Variants in RPH3AL observed in about 807,000 individuals in gnomAD.
The protein encoded by RPH3AL is rab effector Noc2.
A neutral mutation model predicts 43.1 loss-of-function variants in RPH3AL; 38 were observed. The observed-to-expected ratio is 0.88, with a 90% CI of 0.68 to 1.15. The LOEUF is 1.15. Among genes scored for constraint, RPH3AL ranks in the 50% most tolerant of loss-of-function variants. RPH3AL has a pLI of 0.00. For synonymous variants in RPH3AL, 189 were observed against 176.3 expected, an observed-to-expected ratio of 1.07 and a Z score of -0.57; for missense variants, 462 against 423.2, an observed-to-expected ratio of 1.09 and a Z score of -0.81.
chr17:235,637 A>G, intron 7 of RPH3AL, among the ~76,000 whole-genome samples: 1 of 135,222 alleles, frequency 7.4e-6, no homozygotes, highest in Non-Finnish European at 1.6e-5. Context: ...GCTCCACACT[A>G]ACAAGATGGA....
At chr17:302,610 G>A (rs1487929926) in intron 5 of RPH3AL, among the ~76,000 whole-genome samples, 7 of 152,126 alleles carry the variant, frequency 4.6e-5, no homozygotes, top group African/African-American at 1.7e-4. Flanking sequence ...GGAGGCGCCC[G>A]CCGTCGAGGG....
intron 1 of RPH3AL, among the ~76,000 whole-genome samples, chr17:351,143 C>T (rs1312977537): frequency 5.9e-5 from 9 of 152,198 alleles, no homozygotes; most frequent in East Asian, 1.9e-4. Flanking sequence ...CTCTCTCCAA[C>T]GTCTCTAGGC....
Position 333,414 on chromosome 17 carries a change from C to G in RPH3AL, c.-37+345G>C. On this transcript the variant is annotated intron_variant, in intron 2 of 9. Transcript: ENST00000331302. This position sits in a 1 kb window ranked among gnomAD's most constrained non-coding sequence, Gnocchi z 4.5. Reference sequence around the variant, plus strand: ...CCAACTTTTCCTGGGCATTTATGTACAAATTGTAATAAAATTGGGTTCTTA... The same window carrying G: ...CCAACTTTTCCTGGGCATTTATGTAGAAATTGTAATAAAATTGGGTTCTTA... 2.7e-6 allele frequency: 2 copies of G among 737,810 alleles called. No homozygotes were observed. Among genetic ancestry groups the G allele is most frequent in the Non-Finnish European group, 3.9e-6 (2 of 518,698 alleles). The allele number at this position is 737,810 out of a possible 1,614,324, so 45.7% of individuals were successfully genotyped here.
intron 7 of RPH3AL, among the ~76,000 whole-genome samples, chr17:236,287 T>C (rs1341442866): frequency 6.6e-6 from 1 of 152,180 alleles, no homozygotes; most frequent in Non-Finnish European, 1.5e-5. Context: ...AAACACTCAG[T>C]TCTGTGGCTG....
At chr17:260,207 A>G (rs2151569956) in intron 6 of RPH3AL, among the ~76,000 whole-genome samples, 1 of 152,262 alleles carries the variant, frequency 6.6e-6, no homozygotes, top group African/African-American at 2.4e-5. Flanking sequence ...TTTCATCAGC[A>G]TCTCTAACAG....
chr17:246,577 CGCCCCCATCGTT>C lies in RPH3AL; in HGVS notation c.613+522_613+533del, dbSNP rs1555540079. 6.6e-6 allele frequency among the ~76,000 whole-genome samples: 1 copy of C among 152,116 alleles called. No individual in the cohort carries two copies. Among genetic ancestry groups the C allele is most frequent in the Non-Finnish European group, 1.5e-5 (1 of 68,032 alleles). On this transcript the variant is annotated intron_variant, in intron 7 of 9. Transcript: ENST00000331302. This position sits in a 1 kb window ranked among gnomAD's most constrained non-coding sequence, Gnocchi z 4.8. ...CTGCGGAGAACGGTCCACAACCAGG[CGCCCCCATCGTT>C]GCCAAGTGGGGCGGCCACCTGAGAC...
intron 3 of RPH3AL, 120 bp from the exon 4 acceptor site, chr17:321,535 G>T: frequency 8.6e-7 from 1 of 1,160,542 alleles, no homozygotes; most frequent in Non-Finnish European, 1.1e-6. Flanking sequence ...GCCGCGTGCC[G>T]GGACGACGAG....
chr17:230,724 C>T (rs1468728746), intron 7 of RPH3AL, among the ~76,000 whole-genome samples: 5 of 152,200 alleles, frequency 3.3e-5, no homozygotes, highest in African/African-American at 1.2e-4. Flanking sequence ...CCCCTGCCCA[C>T]GACTTCACTG....
chr17:267,608 C>T (rs150033326), intron 6 of RPH3AL, among the ~76,000 whole-genome samples: 39 of 152,344 alleles, frequency 2.6e-4, no homozygotes, highest in Non-Finnish European at 5.0e-4. Context: ...AGCGGGCGGC[C>T]TGCATCTGGG....
intron 5 of RPH3AL, among the ~76,000 whole-genome samples, chr17:295,300 CG>C (rs1417091868): frequency 4.6e-4 from 22 of 47,752 alleles, no homozygotes; most frequent in Admixed American, 1.4e-3. Flanking sequence ...CAGAAATGGA[CG>C]GGCAGAGGGA....
At chr17:258,236 T>C (rs1375212305) in intron 6 of RPH3AL, among the ~76,000 whole-genome samples, 3 of 152,144 alleles carry the variant, frequency 2.0e-5, no homozygotes, top group African/African-American at 4.8e-5. Context: ...GGAGGAAGCA[T>C]CACAGCCGTC....
intron 7 of RPH3AL, among the ~76,000 whole-genome samples, chr17:229,766 G>C (rs1027881037): frequency 4.6e-5 from 7 of 152,082 alleles, no homozygotes; most frequent in African/African-American, 1.7e-4. Context: ...GGGCCAGGGT[G>C]CAGGGTTGGG....
chr17:241,403 A>T (rs1426008267), intron 7 of RPH3AL, among the ~76,000 whole-genome samples: 1 of 152,178 alleles, frequency 6.6e-6, no homozygotes, highest in African/African-American at 2.4e-5. Context: ...CTCTAAAATT[A>T]AAAAAGTAAA....
intron 5 of RPH3AL, among the ~76,000 whole-genome samples, chr17:311,080 C>T (rs1292520002): frequency 1.3e-5 from 2 of 151,902 alleles, no homozygotes; most frequent in Non-Finnish European, 2.9e-5. Context: ...TCCTCTACAC[C>T]TGCCCATTCA....
In RPH3AL at chr17:245,079, A is replaced by G. The variant is rs12150077; in HGVS notation, c.613+2032T>C. Among the ~76,000 whole-genome samples, 89,097 of 151,010 alleles carry G rather than the reference A, an allele frequency of 0.59. 26,481 individuals carry two copies. Among genetic ancestry groups the G allele is most frequent in the South Asian group, 0.75 (3,574 of 4,788 alleles). On this transcript the variant is annotated intron_variant, in intron 7 of 9. Coordinates refer to ENST00000331302, the MANE Select transcript of RPH3AL (RefSeq NM_006987.4). This position sits in a 1 kb window ranked among gnomAD's most constrained non-coding sequence, Gnocchi z 5.9. ...TGTGGATGTGTGTGCATAAATGTGCATGCGCAAGTGTGTGTAGACGTGTGT... is the reference window on the plus strand; with the variant it reads ...TGTGGATGTGTGTGCATAAATGTGCGTGCGCAAGTGTGTGTAGACGTGTGT...
intron 5 of RPH3AL, among the ~76,000 whole-genome samples, chr17:307,733 C>A (rs370248952): frequency 6.6e-6 from 1 of 152,326 alleles, no homozygotes; most frequent in African/African-American, 2.4e-5. Context: ...GTGCTGATGA[C>A]CCTGAGCTGA....
At chr17:228,949 A>T (rs760111521) in intron 7 of RPH3AL, among the ~76,000 whole-genome samples, 38 of 152,172 alleles carry the variant, frequency 2.5e-4, no homozygotes, top group Non-Finnish European at 5.0e-4. Flanking sequence ...TTGGGCAAAT[A>T]CCTTAATCTT....
intron 5 of RPH3AL, among the ~76,000 whole-genome samples, chr17:308,322 A>G (rs1480668028): frequency 6.6e-6 from 1 of 152,138 alleles, no homozygotes; most frequent in Non-Finnish European, 1.5e-5. Flanking sequence ...TCTGCAAAAA[A>G]CTGACTTCTC....
intron 9 of RPH3AL, among the ~76,000 whole-genome samples, chr17:214,430 A>G (rs2040743730): frequency 6.6e-6 from 1 of 152,170 alleles, no homozygotes; most frequent in Non-Finnish European, 1.5e-5. Context: ...ATAAGGGTGA[A>G]CCATATTGAA....
Sources: allele counts gnomAD v4.1 joint callset (sites outside exome capture counted in the v4.1 genomes callset), GRCh38; gene constraint gnomAD v4.1.1; non-coding constraint Gnocchi (gnomAD v3.1); transcripts MANE v1.5; gene names NCBI Gene and HGNC (gene_info 2026-07-23, HGNC 2026-07-21).